The following FBXL13 variants were observed in gnomAD, a reference collection of about 807,000 sequenced individuals.
FBXL13 encodes F-box and leucine rich repeat protein 13.
In FBXL13, 67 loss-of-function variants were observed where a neutral mutation model predicts 83.6. The observed-to-expected ratio is 0.80, with a 90% CI of 0.66 to 0.98. The LOEUF is 0.98. Ranked by LOEUF, FBXL13 falls within the 50% of genes least tolerant of loss-of-function variation. The pLI, the probability that FBXL13 is intolerant of heterozygous loss-of-function variation, is 0.00. For synonymous variants in FBXL13, 272 were observed against 299.5 expected (o/e 0.91, Z 0.95); for missense variants, 822 against 866.5 (o/e 0.95, Z 0.64).
chr7:103,066,402 T>TG (rs1006251521), intron 1 of FBXL13, among the ~76,000 whole-genome samples: 3 of 152,092 alleles, frequency 2.0e-5, no homozygotes, highest in Admixed American at 2.0e-4. Flanking sequence ...ATTTCTTTTT[T>TG]TTTTTTTGAG....
intron 17 of FBXL13, among the ~76,000 whole-genome samples, chr7:102,837,172 C>T (rs371150079): frequency 2.0e-5 from 3 of 152,222 alleles, no homozygotes; most frequent in African/African-American, 7.2e-5. Flanking sequence ...TGGCCTTGTT[C>T]CCACTGGGCA....
intron 9 of FBXL13, among the ~76,000 whole-genome samples, 184 bp downstream of exon 10, chr7:102,931,697 C>T (rs1819205651): frequency 5.3e-5 from 8 of 152,214 alleles, no homozygotes; most frequent in Admixed American, 5.2e-4. Flanking sequence ...ACTGAGCATA[C>T]ATCTACATGA....
In FBXL13 at chr7:102,994,091, T is replaced by C. The variant is rs145404292; in HGVS notation, c.496-25974A>G. 3.9e-5 allele frequency among the ~76,000 whole-genome samples: 6 copies of C among 152,296 alleles called. 1 individual carries two copies. The highest frequency in any genetic ancestry group is 1.4e-4 in the African/African-American group (6 of 41,572). Reference sequence around the variant, plus strand: ...TGATTTAAAAAATTAACTTTGCAAATCTATTATACATTAATAAGCATAACA... The same window carrying C: ...TGATTTAAAAAATTAACTTTGCAAACCTATTATACATTAATAAGCATAACA... On this transcript the variant is annotated intron_variant, in intron 6 of 19. Coordinates refer to ENST00000313221, the Ensembl canonical transcript of FBXL13.
intron 16 of FBXL13, among the ~76,000 whole-genome samples, chr7:102,864,205 C>A (rs764853092): frequency 2.6e-5 from 4 of 152,188 alleles, no homozygotes; most frequent in Non-Finnish European, 5.9e-5. Context: ...CATCCCCTCT[C>A]TTCTCTGGCC....
rs116779175 is a variant in FBXL13, at chr7:102,932,652, T to C, written c.725-719A>G. Among the ~76,000 whole-genome samples, 444 of 55,216 alleles carry C rather than the reference T, an allele frequency of 8.0e-3. 1 individual carries two copies. The highest frequency in any genetic ancestry group is 0.026 in the African/African-American group (438 of 17,166). The allele number at this position is 55,216 out of a possible 152,430, so 36.2% of individuals were successfully genotyped here. On this transcript the variant is annotated intron_variant, in intron 8 of 19. Transcript: ENST00000313221. ...CTCTGTCAGCCACGCTAGAGTGCAGTGGCACCATGTTGGCTCACTGCAGCC... is the reference window on the plus strand; with the variant it reads ...CTCTGTCAGCCACGCTAGAGTGCAGCGGCACCATGTTGGCTCACTGCAGCC...
intron 8 of FBXL13, among the ~76,000 whole-genome samples, chr7:102,943,261 C>T (rs929888977): frequency 6.6e-6 from 1 of 151,692 alleles, no homozygotes; most frequent in Non-Finnish European, 1.5e-5. Context: ...TTTTTATCTG[C>T]ACTTGTCTTA....
chr7:102,926,385 A>C lies in FBXL13; in HGVS notation c.778-11T>G, dbSNP rs755850608. ...TCTCATTGATTCATCCTGCATGAAA[A>C]ACAGAGGGAAGAGGCTTATCAAATT... On this transcript the variant is annotated splice_polypyrimidine_tract_variant and intron_variant, in intron 9 of 19. Transcript: ENST00000313221. 2 of 1,605,724 alleles carry C rather than the reference A, an allele frequency of 1.2e-6. No homozygotes were observed. Among genetic ancestry groups the C allele is most frequent in the African/African-American group, 2.7e-5 (2 of 74,690 alleles).
chr7:102,818,649 A>G (rs1798349428), intron 19 of FBXL13, among the ~76,000 whole-genome samples: 1 of 152,198 alleles, frequency 6.6e-6, no homozygotes, highest in Non-Finnish European at 1.5e-5. Context: ...CAACTGCTAA[A>G]GAAGGCCTTC....
At chr7:103,002,600 T>C (rs1790516783) in intron 6 of FBXL13, among the ~76,000 whole-genome samples, 1 of 152,222 alleles carries the variant, frequency 6.6e-6, no homozygotes, top group African/African-American at 2.4e-5. Context: ...GCCTTTGGTG[T>C]TGATGAATTC....
chr7:102,981,149 T>C (rs929292690), intron 6 of FBXL13, among the ~76,000 whole-genome samples: 1 of 152,182 alleles, frequency 6.6e-6, no homozygotes, highest in African/African-American at 2.4e-5. Flanking sequence ...TAATTAGTCC[T>C]ATGTTCAGAG....
rs115717864 is a variant in FBXL13, at chr7:103,065,900, C to G, written c.-105+8346G>C. Among the ~76,000 whole-genome samples the G allele has an allele frequency of 4.9e-3, 750 of 152,372 alleles. 9 individuals carry two copies. The highest frequency in any genetic ancestry group is 0.017 in the African/African-American group (693 of 41,590). On this transcript the variant is annotated intron_variant, in intron 1 of 19. Coordinates refer to ENST00000313221, the Ensembl canonical transcript of FBXL13. ...AATGGGCTGAGGCTGGTGAGCAAAACTTGCTGAAGAGTGGGCACCACTGGG... is the reference window on the plus strand; with the variant it reads ...AATGGGCTGAGGCTGGTGAGCAAAAGTTGCTGAAGAGTGGGCACCACTGGG...
intron 7 of FBXL13, among the ~76,000 whole-genome samples, chr7:102,965,009 G>T (rs537412611): frequency 6.6e-6 from 1 of 152,290 alleles, no homozygotes; most frequent in African/African-American, 2.4e-5. Context: ...CTGATTGGCT[G>T]ATTCAATTCA....
intron 6 of FBXL13, among the ~76,000 whole-genome samples, chr7:103,007,079 A>G (rs1791067688): frequency 6.6e-6 from 1 of 152,158 alleles, no homozygotes; most frequent in Non-Finnish European, 1.5e-5. Context: ...AAATGAACAG[A>G]AACTCAATGA....
At chr7:103,032,055 T>A (rs1292901753) in intron 2 of FBXL13, among the ~76,000 whole-genome samples, 1 of 152,156 alleles carries the variant, frequency 6.6e-6, no homozygotes, top group Non-Finnish European at 1.5e-5. Context: ...CAGCATACAA[T>A]AGCACACACA....
intron 16 of FBXL13, among the ~76,000 whole-genome samples, chr7:102,856,035 T>G (rs956120162): frequency 1.3e-5 from 2 of 152,222 alleles, no homozygotes; most frequent in African/African-American, 4.8e-5. Context: ...TTAAAAACTT[T>G]TATTTGCATT....
At chr7:102,902,956 T>C (rs1813154087) in intron 11 of FBXL13, among the ~76,000 whole-genome samples, 2 of 152,094 alleles carry the variant, frequency 1.3e-5, no homozygotes, top group Admixed American at 6.5e-5. Flanking sequence ...TCTATTTCTG[T>C]GAAGAATGTC....
chr7:102,912,857 C>G, intron 11 of FBXL13: 1 of 468,154 alleles, frequency 2.1e-6, no homozygotes, highest in Non-Finnish European at 3.7e-6. Context: ...GTTTCCTCAT[C>G]CAATGAGCTC....
intron 6 of FBXL13, among the ~76,000 whole-genome samples, chr7:102,977,144 G>A (rs952210751): frequency 1.3e-5 from 2 of 152,124 alleles, no homozygotes; most frequent in Non-Finnish European, 2.9e-5. Context: ...ATGGATCATC[G>A]AATATTATGG....
intron 17 of FBXL13, among the ~76,000 whole-genome samples, chr7:102,834,150 C>CAAAAG (rs1554405139): frequency 1.7e-5 from 2 of 119,624 alleles, no homozygotes; most frequent in Non-Finnish European, 3.4e-5. Context: ...AAAGAGAAGA[C>CAAAAG]AAGAGAAAAG....
Sources: gnomAD v4.1 joint callset for allele counts (sites outside exome capture counted in the v4.1 genomes callset) on GRCh38, gnomAD v4.1.1 for gene constraint, MANE v1.5 for transcripts, NCBI Gene and HGNC (gene_info 2026-07-23, HGNC 2026-07-21) for gene names.